The following SAMD5 variants were observed in gnomAD, a reference collection of about 807,000 sequenced individuals.
SAMD5 encodes the protein sterile alpha motif domain containing 5.
In SAMD5, 13 loss-of-function variants were observed where a neutral mutation model predicts 11.3. The ratio of observed to expected loss-of-function variants is 1.15; its 90% CI spans 0.75 to 1.83. The LOEUF is 1.83. Ranked by LOEUF, SAMD5 falls within the 40% of genes most tolerant of loss-of-function variation. The pLI is 0.00. For synonymous variants in SAMD5, 129 were observed against 111.3 expected (o/e 1.16, Z -1.00); for missense variants, 255 against 239.1 (o/e 1.07, Z -0.44).
chr6:147,582,676 A>C (rs891346897), intron 1 of SAMD5, among the ~76,000 whole-genome samples: 1 of 152,230 alleles, frequency 6.6e-6, no homozygotes, highest in Non-Finnish European at 1.5e-5. Flanking sequence ...GACTAAAGTG[A>C]AAGCCAGAAT....
the SAMD5 span, among the ~76,000 whole-genome samples, chr6:147,832,906 T>C: frequency 1.3e-5 from 2 of 152,268 alleles, no homozygotes; most frequent in Non-Finnish European, 2.9e-5. Flanking sequence ...TCAACTTGTC[T>C]GATAATTTTT....
the SAMD5 span, among the ~76,000 whole-genome samples, chr6:147,929,335 G>T: frequency 6.6e-6 from 1 of 152,080 alleles, no homozygotes; most frequent in African/African-American, 2.4e-5. Flanking sequence ...CTTCTCTAAG[G>T]CCACATAATG....
At chr6:147,909,618 T>TCTCTCTCTCTCTCTCTCTC in the SAMD5 span, among the ~76,000 whole-genome samples, 1 of 76,420 alleles carries the variant, frequency 1.3e-5, no homozygotes, top group African/African-American at 8.3e-5. Context: ...CTTTCTTTCT[T>TCTCTCTCTCTCTCTCTCTC]TCTTTCTTTC....
At chr6:147,718,057 T>G (rs1562359032) in intron 1 of SAMD5, among the ~76,000 whole-genome samples, 1 of 152,174 alleles carries the variant, frequency 6.6e-6, no homozygotes, top group Non-Finnish European at 1.5e-5. Flanking sequence ...AAGAGAAATT[T>G]CCCCTTTTTG....
In SAMD5 at chr6:147,569,225, A is replaced by G. The variant is rs975125752; in HGVS notation, c.*4769A>G. Reference sequence around the variant, plus strand: ...AACAGAGTGAGACTCTGTCTAAAAAAAAAAAAAAAAGAAAAGAAAAAAGAA... The same window carrying G: ...AACAGAGTGAGACTCTGTCTAAAAAGAAAAAAAAAAGAAAAGAAAAAAGAA... On this transcript the variant is annotated 3_prime_UTR_variant, in exon 2 of 2. Coordinates refer to ENST00000367474, the MANE Select transcript of SAMD5 (RefSeq NM_001030060.3). The G allele has an allele frequency of 1.2e-5, 4 of 339,324 alleles. No individual in the cohort carries two copies. The highest frequency in any genetic ancestry group is 9.5e-5 in the African/African-American group (4 of 42,262). The allele number at this position is 339,324 out of a possible 1,614,324, so 21.0% of individuals were successfully genotyped here.
intron 1 of SAMD5, among the ~76,000 whole-genome samples, chr6:147,687,378 G>T (rs554617663): frequency 8.0e-4 from 118 of 148,392 alleles, no homozygotes; most frequent in Non-Finnish European, 2.4e-4. Context: ...GACCTCCCGG[G>T]TTCAAGTCCT....
chr6:147,926,311 A>G, the SAMD5 span, among the ~76,000 whole-genome samples: 1 of 152,208 alleles, frequency 6.6e-6, no homozygotes, highest in Non-Finnish European at 1.5e-5. Flanking sequence ...TTGACGGTGT[A>G]TAAGAATTCT....
At chr6:147,594,084 G>T (rs187429267) in intron 1 of SAMD5, among the ~76,000 whole-genome samples, 54 of 152,236 alleles carry the variant, frequency 3.5e-4, no homozygotes, top group African/African-American at 1.3e-3. Flanking sequence ...AGCTGAGATC[G>T]CGCCACTGCA....
chr6:147,863,838 C>CTTTTTTT, the SAMD5 span, among the ~76,000 whole-genome samples: 2 of 90,872 alleles, frequency 2.2e-5, no homozygotes, highest in African/African-American at 3.9e-5. Flanking sequence ...TTTCTTTCCA[C>CTTTTTTT]TTTTTTTTTT....
the SAMD5 span, among the ~76,000 whole-genome samples, chr6:147,867,135 C>T: frequency 1.7e-4 from 26 of 152,188 alleles, no homozygotes; most frequent in East Asian, 1.9e-3. Flanking sequence ...GGCCTGATGA[C>T]GGTAAAAACA....
the SAMD5 span, among the ~76,000 whole-genome samples, chr6:147,745,930 C>T: frequency 2.6e-5 from 4 of 152,106 alleles, no homozygotes; most frequent in South Asian, 6.2e-4. Flanking sequence ...TTAATAGAGA[C>T]GGGGTTTCAC....
the SAMD5 span, among the ~76,000 whole-genome samples, chr6:147,765,707 C>T: frequency 2.0e-5 from 3 of 152,120 alleles, no homozygotes; most frequent in Non-Finnish European, 2.9e-5. Flanking sequence ...TGGTGAGGCA[C>T]GGGCTGAAGA....
chr6:147,680,925 G>A (rs1608531), intron 1 of SAMD5, among the ~76,000 whole-genome samples: 17,478 of 152,108 alleles, frequency 0.11, 1,102 homozygotes, highest in Middle Eastern at 0.16. Context: ...TTTTGCATCT[G>A]TGTTCTTGAA....
chr6:147,871,475 C>CT, the SAMD5 span, among the ~76,000 whole-genome samples: 13 of 152,066 alleles, frequency 8.5e-5, no homozygotes, highest in African/African-American at 3.1e-4. Context: ...AGACAAATCT[C>CT]TAAAATGTAA....
the SAMD5 span, among the ~76,000 whole-genome samples, chr6:147,759,555 A>C: frequency 1.3e-4 from 20 of 150,946 alleles, no homozygotes; most frequent in African/African-American, 4.8e-4. Flanking sequence ...GTATATATCT[A>C]ATATGTATAA....
downstream of SAMD5, chr6:147,570,093 T>C (rs932602585): frequency 1.0e-5 from 8 of 791,940 alleles, no homozygotes; most frequent in African/African-American, 1.5e-4. Flanking sequence ...TTGTTTAAAT[T>C]GACAATATGT....
chr6:147,515,178 T>TTTTG, intron 1 of SAMD5, among the ~76,000 whole-genome samples: 1 of 50,576 alleles, frequency 2.0e-5, no homozygotes, highest in East Asian at 6.5e-4. Flanking sequence ...CCTTCCAGGT[T>TTTTG]TTTTTTTTTT....
chr6:147,866,052 T>C, the SAMD5 span, among the ~76,000 whole-genome samples: 1 of 152,242 alleles, frequency 6.6e-6, no homozygotes, highest in Non-Finnish European at 1.5e-5. Context: ...AGGTTTTCAT[T>C]TATACAATTA....
chr6:147,781,650 G>A, the SAMD5 span, among the ~76,000 whole-genome samples: 170 of 151,820 alleles, frequency 1.1e-3, no homozygotes, highest in African/African-American at 4.0e-3. Flanking sequence ...TGTAAATAGG[G>A]GTAATAACAG....
Sources: gnomAD v4.1 joint callset for allele counts (sites outside exome capture counted in the v4.1 genomes callset) on GRCh38, gnomAD v4.1.1 for gene constraint, MANE v1.5 for transcripts, NCBI Gene and HGNC (gene_info 2026-07-23, HGNC 2026-07-21) for gene names.